The following ROBO3 variants were observed in gnomAD, a reference collection of about 807,000 sequenced individuals.
ROBO3 encodes roundabout homolog 3.
In ROBO3, 97 loss-of-function variants were observed where a neutral mutation model predicts 160.5. The observed-to-expected ratio is 0.60, with a 90% CI of 0.51 to 0.72. The LOEUF (loss-of-function observed/expected upper bound fraction) is 0.72. Among genes scored for constraint, ROBO3 ranks in the 30% least tolerant of loss-of-function variants. ROBO3 has a pLI of 0.00. For synonymous variants in ROBO3, 780 were observed against 746.2 expected (o/e 1.05, Z -0.74); for missense variants, 1,858 against 1,846.5 (o/e 1.01, Z -0.11).
rs747618088 is a variant in ROBO3 at position 124,876,034 on chromosome 11, A to G, written c.2502A>G (p.Gly834=). The change falls in exon 16 of 28, where the codon GGA becomes GGG. Residue 834 remains glycine (G), a synonymous_variant. Transcript: ENST00000397801. This position sits in a 1 kb window ranked among gnomAD's most constrained non-coding sequence, Gnocchi z 5.3. ...GGGCACGCTCCGCAATGCTCCGAGG[A>G]CTGGTGCCCGGTCTCCTCTATCGAA... ...AGWARSAMLR[G]LVPGLLYRTL... 1.2e-6 allele frequency: 2 copies of G among 1,606,594 alleles called. No homozygotes were observed. The highest frequency in any genetic ancestry group is 4.5e-5 in the East Asian group (2 of 44,510).
intron 12 of ROBO3, 23 bp downstream of exon 12, chr11:124,874,259 C>T (rs543503886): frequency 1.8e-4 from 282 of 1,595,920 alleles, no homozygotes; most frequent in Non-Finnish European, 2.4e-4. Flanking sequence ...TCCCTGGGCT[C>T]ATGAGCATGA....
chr11:124,875,176 A>G lies in ROBO3; in HGVS notation c.2139A>G (p.Gly713=). ...RVSWRVAGPE[G]GSWTMLDLQS... ...CTTGGAGGGTAGCAGGCCCTGAGGG[A>G]GGAAGCTGGACAATGTTGGACCTAC... The change falls in exon 14 of 28, where the codon GGA becomes GGG. Residue 713 remains glycine (G), a synonymous_variant. Coordinates refer to ENST00000397801, the MANE Select transcript of ROBO3 (RefSeq NM_022370.4). 6.2e-7 allele frequency: 1 copy of G among 1,613,748 alleles called. No homozygotes were observed. The highest frequency in any genetic ancestry group is 8.5e-7 in the Non-Finnish European group (1 of 1,179,850).
In ROBO3 at chr11:124,869,743, G is replaced by A; in HGVS notation, c.645+136G>A. 1.6e-6 allele frequency: 2 copies of A among 1,267,660 alleles called. No individual in the cohort carries two copies. The highest frequency in any genetic ancestry group is 1.1e-6 in the Non-Finnish European group (1 of 924,642). The allele number at this position is 1,267,660 out of a possible 1,614,324, so 78.5% of individuals were successfully genotyped here. A position where few individuals can be genotyped will look rare whatever the true frequency, so the allele number is the denominator to read the frequency against. On this transcript the variant is annotated intron_variant, in intron 3 of 27. Coordinates refer to ENST00000397801, the MANE Select transcript of ROBO3 (RefSeq NM_022370.4). This position sits in a 1 kb window ranked among gnomAD's most constrained non-coding sequence, Gnocchi z 4.2. ...CAGCTATACAGTGAGGGATAAGGAA[G>A]ACGGAATTGGTATAAAAAAGGGGCG...
At position 124,868,836 on chromosome 11, in the gene ROBO3, C is replaced by G. The variant is rs1413040679; in HGVS notation, c.195C>G (p.Arg65=). Reference sequence around the variant, plus strand: ...TAGGACCGGAGGACGCTATGCCCCGCATCGTGGAGCAGCCGCCAGATCTGC... The same window carrying G: ...TAGGACCGGAGGACGCTATGCCCCGGATCGTGGAGCAGCCGCCAGATCTGC... ...SRVGPEDAMP[R]IVEQPPDLLV... The change falls in exon 2 of 28, where the codon CGC becomes CGG. Residue 65 remains arginine (R), a synonymous_variant. Transcript: ENST00000397801. 1 of 1,610,068 alleles carries G rather than the reference C, an allele frequency of 6.2e-7. No individual in the cohort carries two copies. The highest frequency in any genetic ancestry group is 8.5e-7 in the Non-Finnish European group (1 of 1,178,770).
Position 124,872,957 on chromosome 11 carries a change from G to A in ROBO3, c.1404G>A (p.Val468=). 6.2e-7 allele frequency: 1 copy of A among 1,613,300 alleles called. No homozygotes were observed. The highest frequency in any genetic ancestry group is 1.8e-4 in the Middle Eastern group (1 of 5,556). The change falls in exon 9 of 28, where the codon GTG becomes GTA. Residue 468 remains valine, a synonymous_variant. Transcript: ENST00000397801. This position sits in a 1 kb window ranked among gnomAD's most constrained non-coding sequence, Gnocchi z 4.3. The stretch of plus-strand genomic sequence containing the variant: ...AGACGCTGGTGCTTGGCTCCTCCGT[G>A]TGGCTGCCCTGCAGAGTGACTGGGA... ...ANQTLVLGSS[V]WLPCRVTGNP... is the part of the protein sequence containing the mutation.
rs1591508164 is a variant in ROBO3, at chr11:124,868,911, A to G, written c.270A>G (p.Arg90=). 6.2e-7 allele frequency: 1 copy of G among 1,607,574 alleles called. No individual in the cohort carries two copies. Among genetic ancestry groups the G allele is most frequent in the Non-Finnish European group, 8.5e-7 (1 of 1,177,758 alleles). The change falls in exon 2 of 28, where the codon CGA becomes CGG. Residue 90 remains arginine, a synonymous_variant. Transcript: ENST00000397801. ...PATLPCRAEG[R]PRPNIEWYKN... ...CGTTGCCCTGCCGCGCTGAAGGCCG[A>G]CCCCGACCCAACATTGAGTGGTACA...
Position 124,876,501 on chromosome 11 carries a change from C to T in ROBO3, c.2779+41C>T. ...CGGAGCGGACGGATCCGGGAGGGAG[C>T]CAGGCGGCCCATGGGGAGGGGCAGG... is the stretch of plus-strand genomic sequence containing the variant. On this transcript the variant is annotated intron_variant, in intron 17 of 27. Transcript: ENST00000397801. The surrounding 1 kb of genome is among the most constrained non-coding windows in gnomAD (Gnocchi z 5.3). 3 of 1,344,326 alleles carry T rather than the reference C, an allele frequency of 2.2e-6. No individual in the cohort carries two copies. Among genetic ancestry groups the T allele is most frequent in the Non-Finnish European group, 1.9e-6 (2 of 1,051,554 alleles). The allele number at this position is 1,344,326 out of a possible 1,614,324, so 83.3% of individuals were successfully genotyped here.
rs1457404307 is a variant in ROBO3, at chr11:124,871,005, C to T, written c.1034-9C>T. ...CTACCTGTTCCTTTTTCTCACCTGC[C>T]CTTCCCAGTCCCACCCCAGTTGGTG... On this transcript the variant is annotated splice_polypyrimidine_tract_variant and intron_variant, in intron 6 of 27. Transcript: ENST00000397801. 2.5e-6 allele frequency: 4 copies of T among 1,602,968 alleles called. No homozygotes were observed. The Admixed American group carries it at 5.0e-5, about 20-fold the overall frequency.
chr11:124,869,421 C>T lies in ROBO3; in HGVS notation c.488-29C>T. 3.4e-6 allele frequency: 5 copies of T among 1,476,942 alleles called. 1 individual carries two copies. Among genetic ancestry groups the T allele is most frequent in the Non-Finnish European group, 4.6e-6 (5 of 1,085,172 alleles). 91.5% of individuals were successfully genotyped at this position (1,476,942 alleles called of 1,614,324 possible). A position where few individuals can be genotyped will look rare whatever the true frequency, so the allele number is the denominator to read the frequency against. Reference sequence around the variant, plus strand: ...GCCAGTTATGTCACTCTACACCCTGCTTATTTCGCCCCCCACCGCCCCGCC... The same window carrying T: ...GCCAGTTATGTCACTCTACACCCTGTTTATTTCGCCCCCCACCGCCCCGCC... On this transcript the variant is annotated intron_variant, in intron 2 of 27. Coordinates refer to ENST00000397801, the MANE Select transcript of ROBO3 (RefSeq NM_022370.4). This position sits in a 1 kb window ranked among gnomAD's most constrained non-coding sequence, Gnocchi z 4.2.
At position 124,869,181 on chromosome 11, in the gene ROBO3, G is replaced by T; in HGVS notation, c.487+53G>T. On this transcript the variant is annotated intron_variant, in intron 2 of 27. Coordinates refer to ENST00000397801, the MANE Select transcript of ROBO3 (RefSeq NM_022370.4). The surrounding 1 kb of genome is among the most constrained non-coding windows in gnomAD (Gnocchi z 4.2). ...TGCTTCCAGAGCCTGGGGTAGGCGG[G>T]AGGGCACTGGGCAATCAGACCCAGA... 1.4e-6 allele frequency: 2 copies of T among 1,480,366 alleles called. No homozygotes were observed. Among genetic ancestry groups the T allele is most frequent in the South Asian group, 1.4e-5 (1 of 73,418 alleles). 91.7% of individuals were successfully genotyped at this position (1,480,366 alleles called of 1,614,324 possible). A position where few individuals can be genotyped will look rare whatever the true frequency, so the allele number is the denominator to read the frequency against.
At position 124,880,575 on chromosome 11, in the gene ROBO3, C is replaced by A. The variant is rs139835890; in HGVS notation, c.4116C>A (p.Ser1372Arg). 5,126 of 1,551,946 alleles carry A rather than the reference C, an allele frequency of 3.3e-3. 16 individuals carry two copies. Among genetic ancestry groups the A allele is most frequent in the Middle Eastern group, 5.5e-3 (33 of 5,992 alleles). The change falls in exon 27 of 28, where the codon AGC becomes AGA. Residue 1372 changes from serine (S) to arginine (R), a missense_variant. Coordinates refer to ENST00000397801, the MANE Select transcript of ROBO3 (RefSeq NM_022370.4). Reference sequence around the variant, plus strand: ...GCCGGAGTCGGAGTCAGAGCCGGAGCCAGAGCCAAAGGCCAGGACAGAAAC... The same window carrying A: ...GCCGGAGTCGGAGTCAGAGCCGGAGACAGAGCCAAAGGCCAGGACAGAAAC... ...GRSRSRSQSR[S>R]QSQRPGQKRR...
intron 23 of ROBO3, 25 bp from the exon 24 acceptor site, chr11:124,879,164 GA>G: frequency 1.9e-6 from 3 of 1,547,138 alleles, no homozygotes; most frequent in Non-Finnish European, 1.7e-6. Flanking sequence ...GGAGGGAACA[GA>G]GGCTGCGGCC....
At position 124,875,650 on chromosome 11, in the gene ROBO3, C is replaced by A. The variant is rs1358620276; in HGVS notation, c.2386C>A (p.Pro796Thr). 1 of 1,609,786 alleles carries A rather than the reference C, an allele frequency of 6.2e-7. No individual in the cohort carries two copies. The highest frequency in any genetic ancestry group is 1.3e-5 in the African/African-American group (1 of 74,612). ...SITVSWEPPL[P>T]SQQNGVITEY... is the part of the protein sequence containing the mutation. ...CACTGTGTCCTGGGAACCTCCACTC[C>A]CCTCCCAGCAAAATGGGGTCATCAC... The change falls in exon 15 of 28, where the codon CCC (proline) becomes ACC (threonine). Residue 796 changes from proline (P) to threonine (T), a missense_variant. Pro to Thr is a conservative substitution (Grantham distance 38, BLOSUM62 -1). Coordinates refer to ENST00000397801, the MANE Select transcript of ROBO3 (RefSeq NM_022370.4).
chr11:124,871,899 G>A (rs1376378762), intron 7 of ROBO3, among the ~76,000 whole-genome samples: 1 of 152,198 alleles, frequency 6.6e-6, no homozygotes, highest in African/African-American at 2.4e-5. Flanking sequence ...TGAAGCAGGT[G>A]TTACCCAGGG....
In ROBO3 at chr11:124,878,985, C is replaced by T; in HGVS notation, c.3533+189C>T. 1 of 744,158 alleles carries T rather than the reference C, an allele frequency of 1.3e-6. No individual in the cohort carries two copies. The highest frequency in any genetic ancestry group is 2.2e-6 in the Non-Finnish European group (1 of 459,094). The allele number at this position is 744,158 out of a possible 1,614,324, so 46.1% of individuals were successfully genotyped here. A position where few individuals can be genotyped will look rare whatever the true frequency, so the allele number is the denominator to read the frequency against. On this transcript the variant is annotated intron_variant, in intron 23 of 27. Coordinates refer to ENST00000397801, the MANE Select transcript of ROBO3 (RefSeq NM_022370.4). This position sits in a 1 kb window ranked among gnomAD's most constrained non-coding sequence, Gnocchi z 4.3. ...GACAAGATCTCTCATGCCCATTAGA[C>T]TGGCTCTTGCTGGAGTGGTCAGCAC...
rs1244533081 is a variant in ROBO3, at chr11:124,876,176, C to A, written c.2593+51C>A. 6.5e-7 allele frequency: 1 copy of A among 1,550,194 alleles called. No homozygotes were observed. Among genetic ancestry groups the A allele is most frequent in the Admixed American group, 1.8e-5 (1 of 55,176 alleles). On this transcript the variant is annotated intron_variant, in intron 16 of 27. Transcript: ENST00000397801. The surrounding 1 kb of genome is among the most constrained non-coding windows in gnomAD (Gnocchi z 5.3). ...AGGATCTTGACGGGGGCGGGGCAAG[C>A]CCCCCACTGGGGTAGCTGTGCCTGC...
chr11:124,868,535 T>C, intron 1 of ROBO3: 1 of 613,722 alleles, frequency 1.6e-6, no homozygotes, highest in Non-Finnish European at 2.9e-6. Context: ...CTCTAGGTGG[T>C]CCAGAAAGCC....
Position 124,879,181 on chromosome 11 carries a change from T to A in ROBO3, c.3534-9T>A. Reference sequence around the variant, plus strand: ...AGGGAACAGAGGCTGCGGCCTCCTGTCATTGCAGGAGGGTGCCCCTTGGGC... The same window carrying A: ...AGGGAACAGAGGCTGCGGCCTCCTGACATTGCAGGAGGGTGCCCCTTGGGC... On this transcript the variant is annotated splice_polypyrimidine_tract_variant and intron_variant, in intron 23 of 27. Transcript: ENST00000397801. 6.5e-7 allele frequency: 1 copy of A among 1,549,944 alleles called. No homozygotes were observed. Among genetic ancestry groups the A allele is most frequent in the Non-Finnish European group, 8.7e-7 (1 of 1,146,182 alleles).
chr11:124,880,460 G>A lies in ROBO3; in HGVS notation c.4001G>A (p.Arg1334Gln), dbSNP rs200381743. ...LPYSRPSFLSRGQGTSTCSTA... is the reference protein window; with the variant it reads ...LPYSRPSFLSQGQGTSTCSTA... Reference sequence around the variant, plus strand: ...TACAGCAGACCAAGCTTCCTGTCCCGGGGCCAGGGCACCAGCACATGTTCC... The same window carrying A: ...TACAGCAGACCAAGCTTCCTGTCCCAGGGCCAGGGCACCAGCACATGTTCC... Residue 1334 changes from arginine (R) to glutamine (Q), a missense_variant, in exon 27 of 28, where the codon CGG becomes CAG. By Grantham distance (43) the Arg-to-Gln change is conservative. Coordinates refer to ENST00000397801, the MANE Select transcript of ROBO3 (RefSeq NM_022370.4). 112 of 1,611,312 alleles carry A rather than the reference G, an allele frequency of 7.0e-5. No individual in the cohort carries two copies. Among genetic ancestry groups the A allele is most frequent in the Admixed American group, 1.0e-4 (6 of 59,720 alleles).
Sources: allele counts gnomAD v4.1 joint callset (sites outside exome capture counted in the v4.1 genomes callset), GRCh38; gene constraint gnomAD v4.1.1; non-coding constraint Gnocchi (gnomAD v3.1); transcripts MANE v1.5; gene names NCBI Gene and HGNC (gene_info 2026-07-23, HGNC 2026-07-21).